SUFU: variants seen among roughly 807,000 people sequenced by gnomAD.
SUFU encodes SUFU negative regulator of hedgehog signaling.
Under a neutral mutation model 58.9 loss-of-function variants are expected in SUFU, and 7 were observed. The observed-to-expected ratio is 0.12, with a 90% CI of 0.07 to 0.22. The LOEUF (loss-of-function observed/expected upper bound fraction) is 0.22. SUFU is among the 10% of genes least tolerant of loss of function. The pLI, the probability that SUFU is intolerant of heterozygous loss-of-function variation, is 1.00. For synonymous variants in SUFU, 232 were observed against 254.8 expected (o/e 0.91, Z 0.85); for missense variants, 451 against 641.3 (o/e 0.70, Z 3.20).
rs536603211 is a variant in SUFU, at chr10:102,628,524, G to A, written c.1365+1281G>A. On this transcript the variant is annotated intron_variant, in intron 11 of 11. Coordinates refer to ENST00000369902, the MANE Select transcript of SUFU (RefSeq NM_016169.4). The surrounding 1 kb of genome is among the most constrained non-coding windows in gnomAD (Gnocchi z 4.5). The stretch of plus-strand genomic sequence containing the variant: ...GAAGCGCTTCCGGAGAGGCCTTGTC[G>A]CACTGGGATGGCGCTGTGCCAGGCT... Among the ~76,000 whole-genome samples, 2 of 152,324 alleles carry A rather than the reference G, an allele frequency of 1.3e-5. No individual in the cohort carries two copies. Among genetic ancestry groups the A allele is most frequent in the South Asian group, 4.1e-4 (2 of 4,826 alleles).
At chr10:102,531,976 A>C (rs2062682451) in intron 2 of SUFU, among the ~76,000 whole-genome samples, 4 of 148,442 alleles carry the variant, frequency 2.7e-5, no homozygotes, top group Admixed American at 6.7e-5. Context: ...TTTTTTTGAG[A>C]TAGAGTCTTG....
intron 2 of SUFU, among the ~76,000 whole-genome samples, chr10:102,530,063 C>G (rs1427938393): frequency 3.3e-5 from 5 of 152,134 alleles, no homozygotes; most frequent in Non-Finnish European, 7.4e-5. Context: ...GATGAGTGTT[C>G]TTCTCCCAGT....
intron 3 of SUFU, among the ~76,000 whole-genome samples, chr10:102,563,346 G>A (rs10786685): frequency 0.45 from 68,913 of 151,876 alleles, 16,026 homozygotes; most frequent in East Asian, 0.67. Flanking sequence ...AAAGGGAAAG[G>A]TGAGGAACTG....
intron 8 of SUFU, among the ~76,000 whole-genome samples, chr10:102,610,259 G>T (rs773763294): frequency 4.0e-5 from 6 of 151,752 alleles, no homozygotes; most frequent in Non-Finnish European, 5.9e-5. Context: ...CAGGTGTGGT[G>T]GTGGGCACCT....
intron 8 of SUFU, among the ~76,000 whole-genome samples, chr10:102,602,238 C>G (rs1328032290): frequency 6.6e-6 from 1 of 152,176 alleles, no homozygotes; most frequent in Non-Finnish European, 1.5e-5. Flanking sequence ...AGTATCTTTT[C>G]CAAGGTTGGA....
At chr10:102,520,494 A>G (rs1334389745) in intron 2 of SUFU, among the ~76,000 whole-genome samples, 1 of 152,102 alleles carries the variant, frequency 6.6e-6, no homozygotes, top group Non-Finnish European at 1.5e-5. Context: ...TGCTGGGATT[A>G]CAGGCGTGAG....
chr10:102,554,008 A>G (rs571515973), intron 3 of SUFU, among the ~76,000 whole-genome samples: 6 of 152,312 alleles, frequency 3.9e-5, no homozygotes, highest in East Asian at 1.9e-4. Context: ...TGGGAGGATT[A>G]CGCATAAGCC....
chr10:102,592,719 C>T lies in SUFU; in HGVS notation c.592C>T (p.Leu198Phe). The change falls in exon 4 of 12, where the codon CTC (leucine) becomes TTC (phenylalanine). Residue 198 changes from leucine (L) to phenylalanine (F), a missense_variant. Transcript: ENST00000369902. ...VQTPFGVVTF[L>F]QIVGVCTEEL... ...GACACCCTTTGGGGTAGTTACCTTCCTCCAGGTGAGGCACAGGTTGGACGC... is the reference window on the plus strand; with the variant it reads ...GACACCCTTTGGGGTAGTTACCTTCTTCCAGGTGAGGCACAGGTTGGACGC... 2 of 1,614,062 alleles carry T rather than the reference C, an allele frequency of 1.2e-6. No homozygotes were observed. Among genetic ancestry groups the T allele is most frequent in the Non-Finnish European group, 8.5e-7 (1 of 1,180,054 alleles).
At chr10:102,585,211 AC>A (rs2063324542) in intron 3 of SUFU, among the ~76,000 whole-genome samples, 3 of 152,128 alleles carry the variant, frequency 2.0e-5, no homozygotes, top group Non-Finnish European at 2.9e-5. Context: ...TAAAAAAAGA[AC>A]CTCATATTGG....
chr10:102,602,847 C>A (rs909706161), intron 8 of SUFU, among the ~76,000 whole-genome samples: 3 of 152,208 alleles, frequency 2.0e-5, no homozygotes, highest in African/African-American at 7.2e-5. Flanking sequence ...GCATTCCAGC[C>A]ATGAAATCTG....
chr10:102,599,938 T>C, intron 8 of SUFU, among the ~76,000 whole-genome samples: 1 of 152,188 alleles, frequency 6.6e-6, no homozygotes, highest in East Asian at 1.9e-4. Flanking sequence ...CTCCGGCTGA[T>C]AGCTGCAACC....
intron 1 of SUFU, among the ~76,000 whole-genome samples, chr10:102,508,621 C>T (rs1014353219): frequency 1.3e-5 from 2 of 152,204 alleles, no homozygotes; most frequent in Non-Finnish European, 2.9e-5. Context: ...GGTGTCAGCA[C>T]AGACTAGAGG....
intron 3 of SUFU, among the ~76,000 whole-genome samples, chr10:102,567,251 T>A (rs1420403870): frequency 2.0e-5 from 3 of 151,812 alleles, no homozygotes; most frequent in African/African-American, 7.3e-5. Context: ...GACCTCGTGA[T>A]CCGCCTGCCT....
chr10:102,524,324 C>CTTTTTTTT (rs1384276713), intron 2 of SUFU, among the ~76,000 whole-genome samples: 4 of 119,892 alleles, frequency 3.3e-5, no homozygotes, highest in South Asian at 2.6e-4. Flanking sequence ...TTTTTCTTTT[C>CTTTTTTTT]TTTTCTTTTT....
At chr10:102,607,457 T>C (rs771756048) in intron 8 of SUFU, among the ~76,000 whole-genome samples, 3 of 152,208 alleles carry the variant, frequency 2.0e-5, no homozygotes, top group Non-Finnish European at 4.4e-5. Context: ...TATATTAATA[T>C]AATACATGGC....
intron 2 of SUFU, among the ~76,000 whole-genome samples, chr10:102,529,455 GTTTGC>G (rs2062651492): frequency 6.6e-6 from 1 of 152,210 alleles, no homozygotes; most frequent in South Asian, 2.1e-4. Context: ...GATGAGCAGA[GTTTGC>G]TTTGAGTGAG....
chr10:102,546,385 G>A lies in SUFU; in HGVS notation c.318-3585G>A, dbSNP rs540613371. On this transcript the variant is annotated intron_variant, in intron 2 of 11. Transcript: ENST00000369902. ...TTTCTTTCTTTAATTTCTATAGGAA[G>A]AAATTCCACTGGCCCCAGTTACCAC... Among the ~76,000 whole-genome samples, 3 of 152,294 alleles carry A rather than the reference G, an allele frequency of 2.0e-5. No individual in the cohort carries two copies. In the South Asian group the frequency reaches 6.2e-4, roughly 32 times the overall value.
chr10:102,551,717 CTTTTTTTTTTTTT>C (rs771685480), intron 3 of SUFU, among the ~76,000 whole-genome samples: 1 of 68,714 alleles, frequency 1.5e-5, no homozygotes, highest in Non-Finnish European at 2.6e-5. Context: ...TATGTGCCTT[CTTTTTTTTTTTTT>C]TTTTTTTTTT....
At position 102,632,308 on chromosome 10, in the gene SUFU, A is replaced by G. The variant is rs1031852807; in HGVS notation, c.*2153A>G. On this transcript the variant is annotated 3_prime_UTR_variant, in exon 12 of 12. Transcript: ENST00000369902. ...TGGCCCTGTTCTGGGGGAGCAGGGT[A>G]AGGCAGGAGGAAGTGGGTGAGCTCC... The G allele has an allele frequency of 1.3e-5, 3 of 233,164 alleles. No homozygotes were observed. Among genetic ancestry groups the G allele is most frequent in the Admixed American group, 1.1e-4 (2 of 17,772 alleles). 14.4% of individuals were successfully genotyped at this position (233,164 alleles called of 1,614,324 possible). A position where few individuals can be genotyped will look rare whatever the true frequency, so the allele number is the denominator to read the frequency against.
Sources: allele counts gnomAD v4.1 joint callset (sites outside exome capture counted in the v4.1 genomes callset), GRCh38; gene constraint gnomAD v4.1.1; non-coding constraint Gnocchi (gnomAD v3.1); transcripts MANE v1.5; gene names NCBI Gene and HGNC (gene_info 2026-07-23, HGNC 2026-07-21).